The following OTUD4 variants were observed in gnomAD, a reference collection of about 807,000 sequenced individuals.
OTUD4 encodes the protein OTU deubiquitinase 4, also known as OTU domain-containing protein 4.
A neutral mutation model predicts 130.4 loss-of-function variants in OTUD4; 24 were observed. The observed-to-expected ratio is 0.18, with a 90% CI of 0.13 to 0.26. OTUD4 has a LOEUF of 0.26. Ranked by LOEUF, OTUD4 falls within the 10% of genes least tolerant of loss-of-function variation. The probability of loss-of-function intolerance (pLI) is 1.00; values close to 1 mark genes in which losing one functional copy is unlikely to be tolerated. For synonymous variants in OTUD4, 420 were observed against 472.5 expected (o/e 0.89, Z 1.44); for missense variants, 1,031 against 1,329.4 (o/e 0.78, Z 3.49).
intron 16 of OTUD4, 105 bp downstream of exon 16, chr4:145,143,841 A>T: frequency 1.3e-6 from 1 of 788,360 alleles, no homozygotes; most frequent in South Asian, 1.7e-5. Flanking sequence ...CCTAATACAC[A>T]GCTATAAAAT....
At chr4:145,142,082 T>G in intron 18 of OTUD4, 114 bp downstream of exon 18, 1 of 857,172 alleles carries the variant, frequency 1.2e-6, no homozygotes, top group Non-Finnish European at 1.9e-6. Flanking sequence ...CAGAAAGCTC[T>G]GTGAGGCTCC....
At chr4:145,140,821 G>A (rs1335774934) in intron 19 of OTUD4, among the ~76,000 whole-genome samples, 1 of 151,142 alleles carries the variant, frequency 6.6e-6, no homozygotes, top group South Asian at 2.1e-4. Context: ...AACACAGAAG[G>A]AGGTATCATT....
Position 145,159,630 on chromosome 4 carries a change from G to C in OTUD4, c.502C>G (p.Leu168Val). 1 of 1,612,510 alleles carries C rather than the reference G, an allele frequency of 6.2e-7. No homozygotes were observed. Among genetic ancestry groups the C allele is most frequent in the Non-Finnish European group, 8.5e-7 (1 of 1,179,352 alleles). ...KESSAMCQSLLYELLYEKVFK... is the reference protein window; with the variant it reads ...KESSAMCQSLVYELLYEKVFK... The stretch of plus-strand genomic sequence containing the variant: ...ACCTTCTCATACAGCAATTCATAAA[G>C]GAGAGCTGCAATTAATGACAGACAG... The change falls in exon 7 of 21, where the codon CTT becomes GTT. Residue 168 changes from leucine to valine, a missense_variant. Leu to Val is a conservative substitution (Grantham distance 32). This residue lies in a region of OTUD4 where 77 missense variants were observed against 172.9 expected (regional missense o/e 0.45). Coordinates refer to ENST00000447906, the MANE Select transcript of OTUD4 (RefSeq NM_001366057.1).
At chr4:145,174,573 A>T (rs984249341) in intron 2 of OTUD4, 88 bp downstream of exon 2, 11 of 745,760 alleles carry the variant, frequency 1.5e-5, no homozygotes, top group Non-Finnish European at 2.5e-5. Flanking sequence ...ATTAAGATCC[A>T]GCCTGTGAAA....
chr4:145,165,803 G>A (rs1362540763), intron 3 of OTUD4, among the ~76,000 whole-genome samples: 1 of 152,110 alleles, frequency 6.6e-6, no homozygotes, highest in Non-Finnish European at 1.5e-5. Context: ...GAAGGCAAGG[G>A]CTATCCTCCA....
chr4:145,139,675 A>T (rs1428350588), intron 20 of OTUD4, among the ~76,000 whole-genome samples: 2 of 152,234 alleles, frequency 1.3e-5, no homozygotes, highest in East Asian at 3.8e-4. Context: ...ATTATTCCCC[A>T]GCAAGGGCAT....
At position 145,137,486 on chromosome 4, in the gene OTUD4, T is replaced by A; in HGVS notation, c.3289A>T (p.Arg1097Trp). ...ATCCCTGATCTCCTCCTATCTCCCC[T>A]AAATGGTCGCCCTCTGACATTTCGA... ...YHRNVRGRPF[R>W]GDRRRSGMGD... Residue 1097 changes from arginine to tryptophan, a missense_variant, in exon 21 of 21, where the codon AGG becomes TGG. Transcript: ENST00000447906. 1 of 1,612,692 alleles carries A rather than the reference T, an allele frequency of 6.2e-7. No individual in the cohort carries two copies. Among genetic ancestry groups the A allele is most frequent in the Non-Finnish European group, 8.5e-7 (1 of 1,179,034 alleles).
In OTUD4 at chr4:145,141,001, TA is replaced by T. The variant is rs529304876; in HGVS notation, c.2083+377del. Among the ~76,000 whole-genome samples, 615 of 151,358 alleles carry T rather than the reference TA, an allele frequency of 4.1e-3. 4 individuals carry two copies. The highest frequency in any genetic ancestry group is 5.4e-3 in the Admixed American group (82 of 15,188). ...TAACACGGTGAAACCCCGTCTCTACTAAAAAATACAAAAAATTAGCCAGGCC... is the reference window on the plus strand; with the variant it reads ...TAACACGGTGAAACCCCGTCTCTACTAAAAATACAAAAAATTAGCCAGGCC... On this transcript the variant is annotated intron_variant, in intron 19 of 20. Coordinates refer to ENST00000447906, the MANE Select transcript of OTUD4 (RefSeq NM_001366057.1).
At chr4:145,140,998 T>C (rs1196303503) in intron 19 of OTUD4, among the ~76,000 whole-genome samples, 1 of 151,576 alleles carries the variant, frequency 6.6e-6, no homozygotes, top group Admixed American at 6.6e-5. Context: ...ACCCCGTCTC[T>C]ACTAAAAAAT....
chr4:145,154,419 T>C (rs1449295694), intron 10 of OTUD4, among the ~76,000 whole-genome samples: 1 of 152,208 alleles, frequency 6.6e-6, no homozygotes, highest in Admixed American at 6.5e-5. Flanking sequence ...ATAAAGTAAA[T>C]GAGTGTTTCC....
chr4:145,168,759 AAT>A (rs1752002206), intron 3 of OTUD4, among the ~76,000 whole-genome samples: 2 of 152,232 alleles, frequency 1.3e-5, no homozygotes, highest in South Asian at 4.1e-4. Flanking sequence ...GTTTCTTAAA[AAT>A]ATGTTTACCA....
chr4:145,152,392 T>C (rs1751107346), intron 11 of OTUD4, 149 bp downstream of exon 11: 2 of 569,988 alleles, frequency 3.5e-6, no homozygotes, highest in Non-Finnish European at 6.3e-6. Context: ...ATTACAGGCA[T>C]GAGCCACCGT....
intron 6 of OTUD4, among the ~76,000 whole-genome samples, chr4:145,160,063 G>C (rs1210417294): frequency 6.6e-6 from 1 of 152,156 alleles, no homozygotes; most frequent in Admixed American, 6.5e-5. Flanking sequence ...CTGAGACTTA[G>C]GGATGTCATA....
chr4:145,156,293 A>C (rs1305780008), intron 7 of OTUD4, among the ~76,000 whole-genome samples: 1 of 152,212 alleles, frequency 6.6e-6, no homozygotes, highest in Non-Finnish European at 1.5e-5. Context: ...AGAATGTAAA[A>C]ACTTCCTTTT....
intron 13 of OTUD4, among the ~76,000 whole-genome samples, chr4:145,148,430 T>C (rs1380692673): frequency 6.6e-6 from 1 of 150,754 alleles, no homozygotes; most frequent in African/African-American, 2.4e-5. Context: ...ACCTGGGAGA[T>C]GGAGGATGCA....
At chr4:145,157,962 AG>A (rs1751372925) in intron 7 of OTUD4, among the ~76,000 whole-genome samples, 1 of 152,178 alleles carries the variant, frequency 6.6e-6, no homozygotes, top group African/African-American at 2.4e-5. Flanking sequence ...CCCCAATCAC[AG>A]GTAATAAGTT....
intron 3 of OTUD4, among the ~76,000 whole-genome samples, chr4:145,170,187 T>A (rs941835961): frequency 6.6e-6 from 1 of 152,238 alleles, no homozygotes; most frequent in African/African-American, 2.4e-5. Flanking sequence ...CATTTTCACA[T>A]GCACATCAAG....
At chr4:145,165,990 CCT>C (rs1324368499) in intron 3 of OTUD4, among the ~76,000 whole-genome samples, 13 of 151,818 alleles carry the variant, frequency 8.6e-5, no homozygotes, top group Non-Finnish European at 1.3e-4. Context: ...GGAGAAACCC[CCT>C]CTCTACTAAA....
At chr4:145,150,448 T>C in intron 13 of OTUD4, 65 bp downstream of exon 13, 1 of 1,081,128 alleles carries the variant, frequency 9.2e-7, no homozygotes, top group South Asian at 1.4e-5. Flanking sequence ...ATGCACATAA[T>C]GTGGCAAATA....
Sources: gnomAD v4.1 joint callset for allele counts (sites outside exome capture counted in the v4.1 genomes callset) on GRCh38, gnomAD v4.1.1 for gene constraint, gnomAD v4.1.1 regional missense constraint, MANE v1.5 for transcripts, NCBI Gene and HGNC (gene_info 2026-07-23, HGNC 2026-07-21) for gene names.